KLRG1: variants seen among roughly 807,000 people sequenced by gnomAD.
The protein encoded by KLRG1 is killer cell lectin like receptor G1, also known as killer cell lectin-like receptor subfamily G member 1.
A neutral mutation model predicts 21.8 loss-of-function variants in KLRG1; 16 were observed. The ratio of observed to expected loss-of-function variants is 0.73; its 90% confidence interval spans 0.50 to 1.11. The LOEUF is 1.11. KLRG1 is among the 50% of genes most tolerant of loss of function. The probability of loss-of-function intolerance (pLI) is 0.00; values close to 1 mark genes in which losing one functional copy is unlikely to be tolerated. For missense variants in KLRG1, 173 were observed against 218.3 expected (o/e 0.79, Z 1.31); for synonymous variants, 69 against 75.9 (o/e 0.91, Z 0.47).
chr12:8,973,639 A>G (rs1424458199), intron 1 of KLRG1, among the ~76,000 whole-genome samples: 1 of 152,250 alleles, frequency 6.6e-6, no homozygotes, highest in African/African-American at 2.4e-5. Flanking sequence ...GGACTAAGAC[A>G]TAGTATGGAT....
chr12:9,136,711 A>G, the KLRG1 span, among the ~76,000 whole-genome samples: 2 of 152,110 alleles, frequency 1.3e-5, no homozygotes, highest in African/African-American at 4.8e-5. Flanking sequence ...TTATTTGATA[A>G]TAGGCATCCT....
chr12:8,950,474 T>C (rs1946178308), intron 1 of KLRG1, among the ~76,000 whole-genome samples: 1 of 152,218 alleles, frequency 6.6e-6, no homozygotes, highest in Admixed American at 6.5e-5. Flanking sequence ...TCTTAAACTC[T>C]GTTCAGATGT....
the KLRG1 span, chr12:9,203,680 A>T: frequency 1.4e-6 from 2 of 1,464,494 alleles, no homozygotes; most frequent in Non-Finnish European, 1.9e-6. Context: ...ATACCTTGGG[A>T]TCGCACACCA....
chr12:9,194,342 C>T, the KLRG1 span: 3 of 1,099,632 alleles, frequency 2.7e-6, no homozygotes, highest in South Asian at 3.7e-5. Flanking sequence ...AACAACCTCC[C>T]CCTCAAAAAA....
the KLRG1 span, among the ~76,000 whole-genome samples, chr12:9,083,099 A>T: frequency 6.6e-6 from 1 of 152,182 alleles, no homozygotes; most frequent in African/African-American, 2.4e-5. Context: ...TGGGACATGG[A>T]TGAAGCTGGA....
At chr12:8,958,901 T>C (rs1226823925) in intron 1 of KLRG1, among the ~76,000 whole-genome samples, 1 of 152,082 alleles carries the variant, frequency 6.6e-6, no homozygotes, top group South Asian at 2.1e-4. Context: ...GGGGTTGATA[T>C]GAATCTGTAG....
the KLRG1 span, among the ~76,000 whole-genome samples, chr12:9,076,593 A>T: frequency 6.6e-6 from 1 of 152,364 alleles, no homozygotes; most frequent in East Asian, 1.9e-4. Flanking sequence ...GATTTGATTA[A>T]GAAATCCTAG....
At chr12:9,152,277 C>A in the KLRG1 span, 4 of 1,613,324 alleles carry the variant, frequency 2.5e-6, no homozygotes, top group Non-Finnish European at 3.4e-6. Flanking sequence ...CATCAACAAT[C>A]ACCATATTGG....
downstream of KLRG1, among the ~76,000 whole-genome samples, chr12:9,015,704 A>G (rs1284526084): frequency 6.6e-6 from 1 of 152,224 alleles, no homozygotes; most frequent in Non-Finnish European, 1.5e-5. Context: ...GCTGCAGAAT[A>G]TGCGTTCTTC....
At chr12:9,036,245 T>C in the KLRG1 span, 1 of 152,298 alleles carries the variant, frequency 6.6e-6, no homozygotes, top group Non-Finnish European at 1.5e-5. Context: ...ACGGCAGCTG[T>C]GGCCTGACTG....
chr12:9,083,544 G>C, the KLRG1 span, among the ~76,000 whole-genome samples: 9 of 151,900 alleles, frequency 5.9e-5, no homozygotes, highest in African/African-American at 2.2e-4. Flanking sequence ...CAGCAGACTT[G>C]ATCAAGCAGA....
the KLRG1 span, chr12:9,112,469 T>G: frequency 6.2e-7 from 1 of 1,613,878 alleles, no homozygotes; most frequent in Non-Finnish European, 8.5e-7. Flanking sequence ...CTTCTTAAAT[T>G]CTTGGGTTGG....
At position 9,009,651 on chromosome 12, in the gene KLRG1, CT is replaced by C. The variant is rs1261332316; in HGVS notation, c.*115del. 6.1e-6 allele frequency: 9 copies of C among 1,466,240 alleles called. No homozygotes were observed. The highest frequency in any genetic ancestry group is 8.1e-6 in the Non-Finnish European group (9 of 1,113,424). 90.8% of individuals were successfully genotyped at this position (1,466,240 alleles called of 1,614,324 possible). ...ATATAGTTAGCAAATACTGAACTTT[CT>C]CAGATATGGCATTAGATGCAAGACA... is the stretch of plus-strand genomic sequence containing the variant. On this transcript the variant is annotated 3_prime_UTR_variant, in exon 5 of 5. Transcript: ENST00000356986.
At chr12:9,133,503 C>A in the KLRG1 span, among the ~76,000 whole-genome samples, 1 of 152,080 alleles carries the variant, frequency 6.6e-6, no homozygotes, top group Non-Finnish European at 1.5e-5. Context: ...TAAGGTAATT[C>A]CATATGATGA....
the KLRG1 span, among the ~76,000 whole-genome samples, chr12:9,087,766 T>C: frequency 1.3e-5 from 2 of 152,108 alleles, no homozygotes; most frequent in African/African-American, 4.8e-5. Context: ...CAATTATAAA[T>C]GGTCAGTTTA....
chr12:9,126,346 A>G, the KLRG1 span, among the ~76,000 whole-genome samples: 3 of 152,252 alleles, frequency 2.0e-5, no homozygotes, highest in Non-Finnish European at 4.4e-5. Context: ...TAACAACTTT[A>G]GATTTCATAT....
the KLRG1 span, among the ~76,000 whole-genome samples, chr12:9,119,210 A>G: frequency 6.6e-6 from 1 of 152,264 alleles, no homozygotes; most frequent in Non-Finnish European, 1.5e-5. Flanking sequence ...TTGATTCATA[A>G]TGTAACATAA....
chr12:9,126,927 A>G, the KLRG1 span, among the ~76,000 whole-genome samples: 1 of 152,238 alleles, frequency 6.6e-6, no homozygotes, highest in African/African-American at 2.4e-5. Context: ...AGAAAACATT[A>G]TAACACAAGA....
chr12:9,149,466 A>T, the KLRG1 span: 2 of 1,258,270 alleles, frequency 1.6e-6, no homozygotes, highest in East Asian at 4.7e-5. Context: ...ATTGTCTCAG[A>T]TGTAGGAAAA....
Sources: allele counts gnomAD v4.1 joint callset (sites outside exome capture counted in the v4.1 genomes callset), GRCh38; gene constraint gnomAD v4.1.1; transcripts MANE v1.5; gene names NCBI Gene and HGNC (gene_info 2026-07-23, HGNC 2026-07-21).